The following ZSWIM5 variants were observed in gnomAD, a reference collection of about 807,000 sequenced individuals.
ZSWIM5 encodes the protein zinc finger SWIM domain-containing protein 5.
In ZSWIM5, 55 loss-of-function variants were observed where a neutral mutation model predicts 119.6. The ratio of observed to expected loss-of-function variants is 0.46; its 90% CI spans 0.37 to 0.58. The LOEUF is 0.58. ZSWIM5 is among the 20% of genes least tolerant of loss of function. The pLI is 0.00. For synonymous variants in ZSWIM5, 537 were observed against 606.9 expected (o/e 0.88, Z 1.69); for missense variants, 1,193 against 1,512.8 (o/e 0.79, Z 3.51).
chr1:45,091,897 G>GT (rs941858696), intron 1 of ZSWIM5, among the ~76,000 whole-genome samples: 3 of 151,942 alleles, frequency 2.0e-5, no homozygotes, highest in Admixed American at 6.6e-5. Context: ...GGCTCATGAG[G>GT]TCAGGGCTTT....
chr1:45,058,835 G>A, intron 3 of ZSWIM5, 76 bp from the exon 4 acceptor site: 1 of 1,547,990 alleles, frequency 6.5e-7, no homozygotes, highest in African/African-American at 1.4e-5. Flanking sequence ...GTGGGGGAGG[G>A]GGAAGTGAAG....
intron 4 of ZSWIM5, among the ~76,000 whole-genome samples, chr1:45,051,577 A>G (rs999224962): frequency 2.6e-5 from 4 of 152,192 alleles, no homozygotes; most frequent in African/African-American, 9.7e-5. Context: ...AATAAAGCAG[A>G]CACTGTTCCT....
At chr1:45,056,779 A>C (rs903582923) in intron 4 of ZSWIM5, among the ~76,000 whole-genome samples, 3 of 152,210 alleles carry the variant, frequency 2.0e-5, no homozygotes, top group Non-Finnish European at 4.4e-5. Flanking sequence ...GCCTTTCATG[A>C]CAGCAGAGAT....
chr1:45,122,429 T>A (rs906179119), intron 1 of ZSWIM5, among the ~76,000 whole-genome samples: 1 of 152,226 alleles, frequency 6.6e-6, no homozygotes, highest in Admixed American at 6.5e-5. Context: ...ATTAGTAACT[T>A]CTTCTGGGAA....
chr1:45,140,313 T>C (rs1266777897), intron 1 of ZSWIM5, among the ~76,000 whole-genome samples: 1 of 152,258 alleles, frequency 6.6e-6, no homozygotes, highest in Admixed American at 6.5e-5. Flanking sequence ...AATGGCAGAA[T>C]TGTAGTTCCA....
intron 1 of ZSWIM5, among the ~76,000 whole-genome samples, chr1:45,132,827 T>C (rs969664228): frequency 1.3e-5 from 2 of 152,148 alleles, no homozygotes; most frequent in Non-Finnish European, 2.9e-5. Context: ...ATGTTCTCAT[T>C]GTTCAATTCC....
At chr1:45,139,814 C>T (rs1645716282) in intron 1 of ZSWIM5, among the ~76,000 whole-genome samples, 1 of 147,092 alleles carries the variant, frequency 6.8e-6, no homozygotes, top group Admixed American at 7.0e-5. Context: ...TCTAGGATTA[C>T]AGGTGTGAGA....
chr1:45,020,585 C>A, intron 12 of ZSWIM5, 40 bp downstream of exon 12: 1 of 1,598,732 alleles, frequency 6.3e-7, no homozygotes, highest in Non-Finnish European at 8.5e-7. Context: ...GTCACTAGGT[C>A]AGCGGTCTAA....
chr1:45,198,580 A>T (rs1015962295), intron 1 of ZSWIM5, among the ~76,000 whole-genome samples: 35 of 152,162 alleles, frequency 2.3e-4, no homozygotes, highest in African/African-American at 8.4e-4. Flanking sequence ...CCACCACAAC[A>T]ATGTTCCTGC....
chr1:45,068,642 C>T (rs1645200732), intron 2 of ZSWIM5, among the ~76,000 whole-genome samples: 1 of 152,092 alleles, frequency 6.6e-6, no homozygotes, highest in African/African-American at 2.4e-5. Context: ...CCATCCACAA[C>T]TGATTTTTCT....
intron 1 of ZSWIM5, among the ~76,000 whole-genome samples, chr1:45,129,475 T>A (rs1219881374): frequency 3.9e-5 from 6 of 152,124 alleles, no homozygotes; most frequent in Non-Finnish European, 8.8e-5. Context: ...CATTTTTTTT[T>A]AAGAGTTATG....
intron 1 of ZSWIM5, among the ~76,000 whole-genome samples, chr1:45,113,010 C>T (rs987543542): frequency 1.3e-5 from 2 of 152,180 alleles, no homozygotes; most frequent in South Asian, 2.1e-4. Context: ...TTAATTGATT[C>T]TAAGAAGACA....
chr1:45,151,534 A>G (rs953803227), intron 1 of ZSWIM5, among the ~76,000 whole-genome samples: 1 of 152,134 alleles, frequency 6.6e-6, no homozygotes, highest in Non-Finnish European at 1.5e-5. Flanking sequence ...GACATTAAAC[A>G]TTACATAATT....
chr1:45,176,154 T>A (rs915988943), intron 1 of ZSWIM5, among the ~76,000 whole-genome samples: 9 of 148,614 alleles, frequency 6.1e-5, no homozygotes, highest in Admixed American at 4.1e-4. Context: ...ATAATATATA[T>A]TATATATATA....
chr1:45,048,062 T>C (rs199627175), intron 5 of ZSWIM5, among the ~76,000 whole-genome samples: 7 of 5,236 alleles, frequency 1.3e-3, no homozygotes, highest in Non-Finnish European at 2.6e-3. Flanking sequence ...TCTTTCTTTC[T>C]TTCTTTCCTT....
chr1:45,175,496 C>G (rs1645974671), intron 1 of ZSWIM5, among the ~76,000 whole-genome samples: 3 of 152,056 alleles, frequency 2.0e-5, no homozygotes, highest in Admixed American at 6.6e-5. Flanking sequence ...GTCGCCCAAG[C>G]TGCAGTGCAG....
chr1:45,024,864 A>G (rs183850498), intron 11 of ZSWIM5, among the ~76,000 whole-genome samples: 3 of 152,156 alleles, frequency 2.0e-5, no homozygotes, highest in Non-Finnish European at 2.9e-5. Context: ...CATGTTGGCC[A>G]GGCTGGTCTT....
intron 1 of ZSWIM5, among the ~76,000 whole-genome samples, chr1:45,173,329 C>T (rs1300965112): frequency 6.6e-6 from 1 of 152,040 alleles, no homozygotes; most frequent in Non-Finnish European, 1.5e-5. Context: ...CTCTTTAAGT[C>T]TGTACATTAA....
At chr1:45,118,676 A>G (rs1557771549) in intron 1 of ZSWIM5, among the ~76,000 whole-genome samples, 1 of 145,192 alleles carries the variant, frequency 6.9e-6, no homozygotes, top group Non-Finnish European at 1.5e-5. Context: ...TGGGAGGTGG[A>G]GGTTGCAGTG....
Sources: gnomAD v4.1 joint callset for allele counts (sites outside exome capture counted in the v4.1 genomes callset) on GRCh38, gnomAD v4.1.1 for gene constraint, MANE v1.5 for transcripts, NCBI Gene and HGNC (gene_info 2026-07-23, HGNC 2026-07-21) for gene names.